The following NXN variants were observed in gnomAD, a reference collection of about 807,000 sequenced individuals.
NXN encodes the protein nucleoredoxin 1.
In NXN, 16 loss-of-function variants were observed where a neutral mutation model predicts 48.6. That is an observed-to-expected ratio of 0.33 (90% CI 0.22 to 0.50). NXN has a LOEUF of 0.50. Among genes scored for constraint, NXN ranks in the 20% least tolerant of loss-of-function variants. The pLI, the probability that NXN is intolerant of heterozygous loss-of-function variation, is 0.98. For synonymous variants in NXN, 281 were observed against 269.6 expected, an observed-to-expected ratio of 1.04 and a Z score of -0.41; for missense variants, 492 against 605.5, an observed-to-expected ratio of 0.81 and a Z score of 1.97.
chr17:866,471 G>A (rs1776758015), intron 1 of NXN, among the ~76,000 whole-genome samples: 1 of 152,096 alleles, frequency 6.6e-6, no homozygotes, highest in Admixed American at 6.6e-5. Flanking sequence ...TACTCGGGAG[G>A]CTGAGGCAGG....
chr17:862,427 G>A (rs2068050241), intron 1 of NXN, among the ~76,000 whole-genome samples: 1 of 152,258 alleles, frequency 6.6e-6, no homozygotes, highest in African/African-American at 2.4e-5. Flanking sequence ...AGGAGGCTGA[G>A]GAGGGAGGAT....
Position 970,114 on chromosome 17 carries a change from C to T in NXN, c.360+9205G>A, listed in dbSNP as rs1038577512. Among the ~76,000 whole-genome samples the T allele has an allele frequency of 6.6e-5, 10 of 152,170 alleles. 1 individual carries two copies. Among genetic ancestry groups the T allele is most frequent in the Admixed American group, 6.5e-4 (10 of 15,274 alleles). ...TGGTCCAAGAGTTATGACCGGCAAGCCGCAGAAAATTTACGTTTGCTTTTA... is the reference window on the plus strand; with the variant it reads ...TGGTCCAAGAGTTATGACCGGCAAGTCGCAGAAAATTTACGTTTGCTTTTA... On this transcript the variant is annotated intron_variant, in intron 1 of 7. Transcript: ENST00000336868.
chr17:879,698 C>T (rs890742177), intron 1 of NXN, among the ~76,000 whole-genome samples: 2 of 152,136 alleles, frequency 1.3e-5, no homozygotes, highest in African/African-American at 2.4e-5. Context: ...CTTGGGAACC[C>T]GCTGGGGTTT....
intron 5 of NXN, among the ~76,000 whole-genome samples, chr17:809,339 T>A (rs887886405): frequency 6.6e-6 from 1 of 151,668 alleles, no homozygotes; most frequent in African/African-American, 2.4e-5. Flanking sequence ...CACAGAAGAG[T>A]CAACTCCAAA....
chr17:967,103 G>GC (rs941272301), intron 1 of NXN, among the ~76,000 whole-genome samples: 3 of 151,822 alleles, frequency 2.0e-5, no homozygotes, highest in Non-Finnish European at 2.9e-5. Flanking sequence ...TTCTTGACAA[G>GC]CCCCCCCACA....
intron 1 of NXN, among the ~76,000 whole-genome samples, chr17:827,305 C>T (rs919864775): frequency 1.3e-5 from 2 of 151,274 alleles, no homozygotes; most frequent in Non-Finnish European, 2.9e-5. Flanking sequence ...GGTGAAACCC[C>T]GTCTCTACTA....
chr17:843,033 AAAGAAAGAAAGAAAGAAAGAAAG>A (rs1914449981), intron 1 of NXN, among the ~76,000 whole-genome samples: 2 of 143,772 alleles, frequency 1.4e-5, no homozygotes, highest in African/African-American at 5.7e-5. Context: ...AGAAAGAAAG[AAAGAAAGAAAGAAAGAAAGAAAG>A]AAGGAAGAAA....
Position 931,481 on chromosome 17 carries a change from T to C in NXN, c.360+47838A>G, listed in dbSNP as rs956050019. On this transcript the variant is annotated intron_variant, in intron 1 of 7. Transcript: ENST00000336868. ...AAAAAAAACAAGAAAGATAAAGTCA[T>C]ATAATAAGCCTATGTATACTACTTG... 1.4e-4 allele frequency among the ~76,000 whole-genome samples: 21 copies of C among 150,952 alleles called. No individual in the cohort carries two copies. The Admixed American group carries it at 1.4e-3, about 10-fold the overall frequency.
At chr17:975,828 C>T (rs865911368) in intron 1 of NXN, among the ~76,000 whole-genome samples, 1 of 152,210 alleles carries the variant, frequency 6.6e-6, no homozygotes, top group African/African-American at 2.4e-5. Context: ...GAGTAACATA[C>T]TAATCCAAAG....
chr17:901,173 G>T (rs149526434), intron 1 of NXN, among the ~76,000 whole-genome samples: 4 of 151,906 alleles, frequency 2.6e-5, no homozygotes, highest in South Asian at 4.2e-4. Context: ...TGCCCGCCTC[G>T]GCCTCCCAAA....
chr17:864,366 TA>T lies in NXN; in HGVS notation c.361-38289del, dbSNP rs1221598843. Among the ~76,000 whole-genome samples, 3 of 152,210 alleles carry T rather than the reference TA, an allele frequency of 2.0e-5. No individual in the cohort carries two copies. The East Asian group carries it at 5.8e-4, about 29-fold the overall frequency. On this transcript the variant is annotated intron_variant, in intron 1 of 7. Coordinates refer to ENST00000336868, the MANE Select transcript of NXN (RefSeq NM_022463.5). ...GTTGATTCTTAAATTTGCCAAAACGTAGGGGAGTGCTAGCTTAGATCCATCT... is the reference window on the plus strand; with the variant it reads ...GTTGATTCTTAAATTTGCCAAAACGTGGGGAGTGCTAGCTTAGATCCATCT...
chr17:930,850 C>T (rs2068846015), intron 1 of NXN, among the ~76,000 whole-genome samples: 1 of 151,322 alleles, frequency 6.6e-6, no homozygotes, highest in African/African-American at 2.4e-5. Flanking sequence ...CGGCTCACTG[C>T]AACCTCTGCC....
chr17:924,950 G>C (rs1439864219), intron 1 of NXN, among the ~76,000 whole-genome samples: 1 of 152,244 alleles, frequency 6.6e-6, no homozygotes. Flanking sequence ...GATGGGGGTT[G>C]GGAGAAGAGA....
intron 1 of NXN, among the ~76,000 whole-genome samples, chr17:921,442 C>G (rs893151283): frequency 7.2e-5 from 11 of 152,154 alleles, no homozygotes; most frequent in African/African-American, 2.7e-4. Flanking sequence ...CCATCTTTTC[C>G]TCGAAACGCT....
At chr17:923,351 C>T (rs1218395191) in intron 1 of NXN, among the ~76,000 whole-genome samples, 1 of 152,072 alleles carries the variant, frequency 6.6e-6, no homozygotes, top group Non-Finnish European at 1.5e-5. Context: ...CAAGACCCCG[C>T]TTTACACCAA....
chr17:853,128 C>T (rs916389443), intron 1 of NXN, among the ~76,000 whole-genome samples: 3 of 152,060 alleles, frequency 2.0e-5, no homozygotes, highest in African/African-American at 7.2e-5. Flanking sequence ...CAGGCGCCCA[C>T]CACCATGCCC....
chr17:874,711 C>T (rs972443357), intron 1 of NXN, among the ~76,000 whole-genome samples: 11 of 148,514 alleles, frequency 7.4e-5, no homozygotes, highest in African/African-American at 2.0e-4. Flanking sequence ...GGTGACAGAG[C>T]GAGACTCTGT....
rs2069279445 is a variant in NXN at position 964,518 on chromosome 17, A to G, written c.360+14801T>C. 2.0e-5 allele frequency among the ~76,000 whole-genome samples: 3 copies of G among 152,352 alleles called. No homozygotes were observed. In the South Asian group the frequency reaches 6.2e-4, roughly 32 times the overall value. On this transcript the variant is annotated intron_variant, in intron 1 of 7. Coordinates refer to ENST00000336868, the MANE Select transcript of NXN (RefSeq NM_022463.5). The stretch of plus-strand genomic sequence containing the variant: ...TTAAGAACATTTGTAAAAAGCTTAA[A>G]GCAACGCATCCAAGGGTTGAAGCCG...
chr17:916,072 A>G (rs2068686160), intron 1 of NXN, among the ~76,000 whole-genome samples: 1 of 152,198 alleles, frequency 6.6e-6, no homozygotes, highest in Non-Finnish European at 1.5e-5. Flanking sequence ...CCATTGTTCT[A>G]CTCAAATGTC....
Sources: gnomAD v4.1 joint callset for allele counts (sites outside exome capture counted in the v4.1 genomes callset) on GRCh38, gnomAD v4.1.1 for gene constraint, MANE v1.5 for transcripts, NCBI Gene and HGNC (gene_info 2026-07-23, HGNC 2026-07-21) for gene names.